The following BDH2 variants were observed in gnomAD, a reference collection of about 807,000 sequenced individuals.
BDH2 encodes the protein dehydrogenase/reductase SDR family member 6.
BDH2 carries 24 observed loss-of-function variants against 33.2 expected under a neutral mutation model. The observed-to-expected ratio is 0.72, with a 90% CI of 0.52 to 1.02. BDH2 has a LOEUF of 1.02. Among genes scored for constraint, BDH2 ranks in the 50% least tolerant of loss-of-function variants. The pLI, the probability that BDH2 is intolerant of heterozygous loss-of-function variation, is 0.00. For missense variants in BDH2, 249 were observed against 301.6 expected (o/e 0.83, Z 1.29); for synonymous variants, 81 against 101.6 (o/e 0.80, Z 1.22).
At chr4:103,097,722 A>G (rs963071463) in intron 1 of BDH2, 2 of 152,222 alleles carry the variant, frequency 1.3e-5, no homozygotes, top group African/African-American at 4.8e-5. Flanking sequence ...TCCTAGCTGC[A>G]AAGAGGTTGG....
In BDH2 at chr4:103,082,940, G is replaced by A. The variant is rs2110696019; in HGVS notation, c.533-11C>T. On this transcript the variant is annotated splice_polypyrimidine_tract_variant and intron_variant, in intron 7 of 9. Coordinates refer to ENST00000296424, the MANE Select transcript of BDH2 (RefSeq NM_020139.4). ...GCGTATCAACTGTTCCTAAATCAAA[G>A]GGGGATATTCAGCTTGGTTACTCAC... The A allele has an allele frequency of 6.2e-7, 1 of 1,609,870 alleles. No individual in the cohort carries two copies. The highest frequency in any genetic ancestry group is 1.1e-5 in the South Asian group (1 of 90,996).
intron 3 of BDH2, 28 bp downstream of exon 3, chr4:103,095,175 C>A: frequency 1.3e-6 from 2 of 1,592,366 alleles, no homozygotes; most frequent in Non-Finnish European, 1.7e-6. Context: ...GACACTGAAT[C>A]CCAAATTCAA....
chr4:103,081,991 C>T (rs2306478), intron 9 of BDH2, 90 bp downstream of exon 9: 207,231 of 1,072,202 alleles, frequency 0.19, 20,643 homozygotes, highest in South Asian at 0.29. Flanking sequence ...ATATATGCCA[C>T]AAACTCTCTA....
intron 7 of BDH2, 112 bp downstream of exon 7, chr4:103,085,237 A>T: frequency 1.3e-6 from 1 of 796,872 alleles, no homozygotes; most frequent in Non-Finnish European, 2.0e-6. Context: ...CAACTATTAT[A>T]CTAAACTCTG....
intron 5 of BDH2, among the ~76,000 whole-genome samples, chr4:103,089,219 G>A (rs1747952277): frequency 6.6e-6 from 1 of 152,190 alleles, no homozygotes. Flanking sequence ...ATGATACAGA[G>A]GATCATAGAT....
At chr4:103,097,800 A>T (rs188317820) in intron 1 of BDH2, 1 of 152,322 alleles carries the variant, frequency 6.6e-6, no homozygotes, top group East Asian at 1.9e-4. Context: ...GATGGTGTTG[A>T]TGAACCAACT....
chr4:103,092,855 T>C, intron 3 of BDH2, 159 bp from the exon 4 acceptor site: 2 of 658,366 alleles, frequency 3.0e-6, no homozygotes. Context: ...AGAGTCTCAT[T>C]AGTAAACTTA....
intron 9 of BDH2, among the ~76,000 whole-genome samples, chr4:103,080,997 C>T (rs916326902): frequency 6.6e-6 from 1 of 152,232 alleles, no homozygotes; most frequent in Non-Finnish European, 1.5e-5. Flanking sequence ...CACCAACTAT[C>T]TGGTGTGCAC....
Position 103,079,758 on chromosome 4 carries a change from G to A in BDH2, c.685-3C>T, listed in dbSNP as rs373593732. The A allele has an allele frequency of 1.2e-6, 2 of 1,612,770 alleles. No individual in the cohort carries two copies. Among genetic ancestry groups the A allele is most frequent in the Non-Finnish European group, 1.7e-6 (2 of 1,178,934 alleles). ...GGGTTACCAGTTACATAAGCAGACT[G>A]CAGTGATAAACACAAGGAGACAGAA... On this transcript the variant is annotated splice_polypyrimidine_tract_variant and splice_region_variant and intron_variant, in intron 9 of 9. Coordinates refer to ENST00000296424, the MANE Select transcript of BDH2 (RefSeq NM_020139.4).
intron 8 of BDH2, 28 bp from the exon 9 acceptor site, chr4:103,082,201 A>G (rs1747559680): frequency 1.9e-6 from 3 of 1,589,044 alleles, no homozygotes; most frequent in African/African-American, 2.7e-5. Context: ...ACCAGACATT[A>G]GTGATGGAAG....
At chr4:103,079,832 T>A in intron 9 of BDH2, 77 bp from the exon 10 acceptor site, 1 of 1,333,810 alleles carries the variant, frequency 7.5e-7, no homozygotes, top group Non-Finnish European at 1.1e-6. Context: ...TTCCTGTGAC[T>A]AGGATAACTA....
intron 9 of BDH2, among the ~76,000 whole-genome samples, chr4:103,081,841 T>A (rs998449179): frequency 2.6e-5 from 4 of 152,342 alleles, no homozygotes; most frequent in South Asian, 4.1e-4. Context: ...CTTTAACTTT[T>A]TTAGTCCTCC....
chr4:103,093,841 A>G (rs1748232914), intron 3 of BDH2, among the ~76,000 whole-genome samples: 1 of 150,938 alleles, frequency 6.6e-6, no homozygotes, highest in South Asian at 2.1e-4. Context: ...AGATTCATAA[A>G]GAAAGGGAAG....
At position 103,082,381 on chromosome 4, in the gene BDH2, C is replaced by A. The variant is rs144922448; in HGVS notation, c.592-208G>T. Among the ~76,000 whole-genome samples, 105 of 152,232 alleles carry A rather than the reference C, an allele frequency of 6.9e-4. 1 individual carries two copies. Among genetic ancestry groups the A allele is most frequent in the African/African-American group, 2.4e-3 (100 of 41,540 alleles). ...ACAGATATTGTGACACATCAGAAAG[C>A]TAATGTTAAAGGATGAGGGCATTAT... On this transcript the variant is annotated intron_variant, in intron 8 of 9. Coordinates refer to ENST00000296424, the MANE Select transcript of BDH2 (RefSeq NM_020139.4).
At position 103,085,430 on chromosome 4, in the gene BDH2, T is replaced by C. The variant is rs964007763; in HGVS notation, c.451A>G (p.Lys151Glu). The change falls in exon 7 of 10, where the codon AAG (lysine) becomes GAG (glutamate). Residue 151 changes from lysine to glutamate, a missense_variant. Lys to Glu is a moderately conservative substitution (Grantham distance 56, BLOSUM62 1). Transcript: ENST00000296424. ...TTTGTGAGGCCAATCACGGCTGCCT[T>C]GGTTGTGCTGTACACACATCTGTTC... ...VVNRCVYSTT[K>E]AAVIGLTKSV... 2.5e-6 allele frequency: 4 copies of C among 1,613,406 alleles called. No individual in the cohort carries two copies. The highest frequency in any genetic ancestry group is 1.7e-6 in the Non-Finnish European group (2 of 1,179,876).
In BDH2 at chr4:103,078,107, A is replaced by G. The variant is rs1747326583; in HGVS notation, c.*1595T>C. ...AGGAAAAAAGGCTAAGAATCACTGC[A>G]CATTTATTGAGTATCTCAGTGTGCA... On this transcript the variant is annotated 3_prime_UTR_variant, in exon 10 of 10. Coordinates refer to ENST00000296424, the MANE Select transcript of BDH2 (RefSeq NM_020139.4). Among the ~76,000 whole-genome samples, 1 of 152,232 alleles carries G rather than the reference A, an allele frequency of 6.6e-6. No individual in the cohort carries two copies. Among genetic ancestry groups the G allele is most frequent in the Non-Finnish European group, 1.5e-5 (1 of 68,040 alleles).
rs566504613 is a variant in BDH2, at chr4:103,079,466, A to G, written c.*236T>C. On this transcript the variant is annotated 3_prime_UTR_variant, in exon 10 of 10. Coordinates refer to ENST00000296424, the MANE Select transcript of BDH2 (RefSeq NM_020139.4). Reference sequence around the variant, plus strand: ...CAAATCGAGATTTATTTTAAAAACTATTCTCCTGCTATGAGTTCAATATTT... The same window carrying G: ...CAAATCGAGATTTATTTTAAAAACTGTTCTCCTGCTATGAGTTCAATATTT... 2.8e-4 allele frequency: 136 copies of G among 489,840 alleles called. 1 individual carries two copies. Among genetic ancestry groups the G allele is most frequent in the African/African-American group, 2.5e-3 (126 of 51,170 alleles). 30.3% of individuals were successfully genotyped at this position (489,840 alleles called of 1,614,324 possible). A position where few individuals can be genotyped will look rare whatever the true frequency, so the allele number is the denominator to read the frequency against.
chr4:103,094,995 A>T (rs2125811644), intron 3 of BDH2, among the ~76,000 whole-genome samples: 1 of 152,358 alleles, frequency 6.6e-6, no homozygotes. Context: ...AAGGATTTTA[A>T]GTATTCGTCC....
chr4:103,085,270 A>G, intron 7 of BDH2, 79 bp downstream of exon 7: 1 of 1,102,568 alleles, frequency 9.1e-7, no homozygotes, highest in East Asian at 2.6e-5. Context: ...GAAAACAGCC[A>G]TAGGCAATAA....
Sources: allele counts gnomAD v4.1 joint callset (sites outside exome capture counted in the v4.1 genomes callset), GRCh38; gene constraint gnomAD v4.1.1; transcripts MANE v1.5; gene names NCBI Gene and HGNC (gene_info 2026-07-23, HGNC 2026-07-21).